Variants in KIF1A observed in about 807,000 individuals in gnomAD.
KIF1A encodes kinesin family member 1A, also known as kinesin-like protein KIF1A.
A neutral mutation model predicts 227.3 loss-of-function variants in KIF1A; 46 were observed. The observed-to-expected ratio is 0.20, with a 90% CI of 0.16 to 0.26. The LOEUF (loss-of-function observed/expected upper bound fraction) is 0.26, where lower values mean the gene tolerates loss of function less well. Among genes scored for constraint, KIF1A ranks in the 10% least tolerant of loss-of-function variants. The pLI is 1.00. For missense variants in KIF1A, 1,683 were observed against 2,485.9 expected (o/e 0.68, Z 6.87); for synonymous variants, 1,022 against 1,012.8 (o/e 1.01, Z -0.17).
At chr2:240,756,097 G>A (rs937206780) in intron 27 of KIF1A, among the ~76,000 whole-genome samples, 1 of 152,164 alleles carries the variant, frequency 6.6e-6, no homozygotes, top group African/African-American at 2.4e-5. Flanking sequence ...TCTTCCAAGA[G>A]GGAGGGTGAG....
At position 240,786,407 on chromosome 2, in the gene KIF1A, T is replaced by G. The variant is rs879253948; in HGVS notation, c.536A>C (p.Glu179Ala). 6.2e-7 allele frequency: 1 copy of G among 1,613,582 alleles called. No individual in the cohort carries two copies. The highest frequency in any genetic ancestry group is 1.7e-5 in the Admixed American group (1 of 60,002). The change falls in exon 6 of 49, where the codon GAG becomes GCG. Residue 179 changes from glutamate to alanine, a missense_variant. Glu to Ala is a moderately radical substitution (Grantham distance 107). This residue lies in a region of KIF1A where 75 missense variants were observed against 131.2 expected (regional missense o/e 0.57). Coordinates refer to ENST00000498729, the MANE Select transcript of KIF1A (RefSeq NM_001244008.2). The part of the protein sequence containing the change: ...REHPLLGPYV[E>A]DLSKLAVTSY... ...GGTGACAGCCAGCTTGGAGAGGTCC[T>G]CCACGTAGGGCCCCAGCAGTGGGTG...
intron 1 of KIF1A, among the ~76,000 whole-genome samples, chr2:240,818,077 C>T (rs996270915): frequency 6.6e-6 from 1 of 152,286 alleles, no homozygotes; most frequent in East Asian, 1.9e-4. Flanking sequence ...GGGCAGCACC[C>T]GGCTGGGAGC....
At position 240,788,289 on chromosome 2, in the gene KIF1A, A is replaced by G; in HGVS notation, c.184-59T>C. The G allele has an allele frequency of 2.6e-6, 4 of 1,543,994 alleles. No homozygotes were observed. The South Asian group carries it at 3.4e-5, about 13-fold the overall frequency. ...GCTGGGTGCATCCGAGGCTCAGCCC[A>G]TCATGTCTGCGGAGCCAGGGGATGC... On this transcript the variant is annotated intron_variant, in intron 3 of 48. Coordinates refer to ENST00000498729, the MANE Select transcript of KIF1A (RefSeq NM_001244008.2). The surrounding 1 kb of genome is among the most constrained non-coding windows in gnomAD (Gnocchi z 6.6).
Position 240,789,108 on chromosome 2 carries a change from G to T in KIF1A, c.183+128C>A, listed in dbSNP as rs566150848. ...AGGACCGCTCAGGGTGACCTTCCAG[G>T]GGAGCAGGGTGGGGTCCTCGCCCCA... On this transcript the variant is annotated intron_variant, in intron 3 of 48. Coordinates refer to ENST00000498729, the MANE Select transcript of KIF1A (RefSeq NM_001244008.2). This position sits in a 1 kb window ranked among gnomAD's most constrained non-coding sequence, Gnocchi z 4.8. 11 of 728,308 alleles carry T rather than the reference G, an allele frequency of 1.5e-5. No individual in the cohort carries two copies. Among genetic ancestry groups the T allele is most frequent in the Non-Finnish European group, 2.6e-5 (11 of 422,544 alleles). 45.1% of individuals were successfully genotyped at this position (728,308 alleles called of 1,614,324 possible). A position where few individuals can be genotyped will look rare whatever the true frequency, so the allele number is the denominator to read the frequency against.
At chr2:240,723,161 T>C (rs539743437) in intron 42 of KIF1A, among the ~76,000 whole-genome samples, 3 of 152,348 alleles carry the variant, frequency 2.0e-5, no homozygotes, top group South Asian at 4.1e-4. Context: ...TCTGTCTATA[T>C]GCCCGATAGT....
At chr2:240,795,438 CAG>C (rs1445235893) in intron 2 of KIF1A, among the ~76,000 whole-genome samples, 2 of 152,184 alleles carry the variant, frequency 1.3e-5, no homozygotes, top group African/African-American at 4.8e-5. Flanking sequence ...TTCTCCAGGC[CAG>C]AGGAGAGGGT....
Position 240,736,119 on chromosome 2 carries a change from T to C in KIF1A, c.4007+944A>G, listed in dbSNP as rs2047290543. Among the ~76,000 whole-genome samples the C allele has an allele frequency of 2.0e-5, 3 of 151,950 alleles. 1 individual carries two copies. In the South Asian group the frequency reaches 6.2e-4, roughly 32 times the overall value. On this transcript the variant is annotated intron_variant, in intron 38 of 48. Transcript: ENST00000498729. This position sits in a 1 kb window ranked among gnomAD's most constrained non-coding sequence, Gnocchi z 4.7. ...TGTTGCTGATGAAACCAAAGCTTTG[T>C]GTGGACCCAAGTCAGAAGAATAGGA... is the stretch of plus-strand genomic sequence containing the variant.
Position 240,724,902 on chromosome 2 carries a change from C to T in KIF1A, c.4256+369G>A, listed in dbSNP as rs561215884. On this transcript the variant is annotated intron_variant, in intron 40 of 48. Coordinates refer to ENST00000498729, the MANE Select transcript of KIF1A (RefSeq NM_001244008.2). ...GGCAGTCAGTCCCATGGCACAGGTT[C>T]CGTGGTCCTCAGGGAAGAAGGTCAC... 2.4e-4 allele frequency: 50 copies of T among 205,800 alleles called. 1 individual carries two copies. Among genetic ancestry groups the T allele is most frequent in the Middle Eastern group, 2.0e-3 (1 of 506 alleles). The allele number at this position is 205,800 out of a possible 1,614,324, so 12.7% of individuals were successfully genotyped here. A position where few individuals can be genotyped will look rare whatever the true frequency, so the allele number is the denominator to read the frequency against.
chr2:240,814,448 A>C (rs1265858489), intron 1 of KIF1A, among the ~76,000 whole-genome samples: 2 of 152,088 alleles, frequency 1.3e-5, no homozygotes, highest in African/African-American at 4.8e-5. Context: ...ACACTCTCAC[A>C]CACCAAAGAC....
At chr2:240,807,544 A>C (rs2057537215) in intron 1 of KIF1A, among the ~76,000 whole-genome samples, 1 of 152,262 alleles carries the variant, frequency 6.6e-6, no homozygotes, top group Non-Finnish European at 1.5e-5. Flanking sequence ...TGTCCAGGTA[A>C]TAGTGACAAG....
chr2:240,767,234 C>A (rs189610137), intron 18 of KIF1A, 32 bp downstream of exon 18: 3,039 of 1,571,812 alleles, frequency 1.9e-3, no homozygotes, highest in Non-Finnish European at 2.4e-3. Flanking sequence ...AGGGCCTGGC[C>A]AGGCTGGAGT....
chr2:240,761,210 C>T lies in KIF1A; in HGVS notation c.2265+19G>A, dbSNP rs748907935. On this transcript the variant is annotated intron_variant, in intron 24 of 48. Transcript: ENST00000498729. The stretch of plus-strand genomic sequence containing the variant: ...ACACTCTCTCCAACAGGAAACGGTA[C>T]AGCCAGTGGGCAGCCCACCTTCTTT... 1.2e-6 allele frequency: 2 copies of T among 1,604,544 alleles called. No individual in the cohort carries two copies. The highest frequency in any genetic ancestry group is 1.7e-6 in the Non-Finnish European group (2 of 1,174,450).
intron 1 of KIF1A, among the ~76,000 whole-genome samples, chr2:240,800,917 C>T (rs1478797616): frequency 2.0e-5 from 3 of 152,200 alleles, no homozygotes; most frequent in Non-Finnish European, 4.4e-5. Flanking sequence ...AAAACTACAA[C>T]CTGCCCTCGC....
chr2:240,770,654 C>T (rs1202100364), intron 15 of KIF1A, among the ~76,000 whole-genome samples: 1 of 152,234 alleles, frequency 6.6e-6, no homozygotes, highest in African/African-American at 2.4e-5. Context: ...CTTGTCCAGG[C>T]TTGGCATGGG....
intron 10 of KIF1A, among the ~76,000 whole-genome samples, chr2:240,776,198 C>T (rs2052707758): frequency 6.6e-6 from 1 of 152,194 alleles, no homozygotes; most frequent in Non-Finnish European, 1.5e-5. Context: ...GCCCCTGGGC[C>T]ACCCAGCTGG....
At position 240,789,341 on chromosome 2, in the gene KIF1A, C is replaced by T. The variant is rs751197061; in HGVS notation, c.107-29G>A. Reference sequence around the variant, plus strand: ...TGGGAGGGAACACAGGTGGTTAGCGCTGTGCTGGGAGGGCCCCTGACTAGC... The same window carrying T: ...TGGGAGGGAACACAGGTGGTTAGCGTTGTGCTGGGAGGGCCCCTGACTAGC... On this transcript the variant is annotated intron_variant, in intron 2 of 48. Coordinates refer to ENST00000498729, the MANE Select transcript of KIF1A (RefSeq NM_001244008.2). This position sits in a 1 kb window ranked among gnomAD's most constrained non-coding sequence, Gnocchi z 4.8. The T allele has an allele frequency of 1.2e-5, 19 of 1,588,374 alleles. No individual in the cohort carries two copies. Among genetic ancestry groups the T allele is most frequent in the Non-Finnish European group, 1.4e-5 (16 of 1,156,908 alleles).
chr2:240,759,179 G>A (rs116138109), intron 25 of KIF1A, among the ~76,000 whole-genome samples: 4,331 of 152,076 alleles, frequency 0.028, 218 homozygotes, highest in African/African-American at 0.099. Flanking sequence ...TTGCATGAAT[G>A]TGTATGTGTG....
At position 240,726,726 on chromosome 2, in the gene KIF1A, G is replaced by A. The variant is rs1184994141; in HGVS notation, c.4122+100C>T. ...TTAACCCAGGGACTTGAGAACTAGA[G>A]AAGTCGTCTGGGTCATATGGGGTTG... On this transcript the variant is annotated intron_variant, in intron 39 of 48. Coordinates refer to ENST00000498729, the MANE Select transcript of KIF1A (RefSeq NM_001244008.2). This position sits in a 1 kb window ranked among gnomAD's most constrained non-coding sequence, Gnocchi z 5.2. The A allele has an allele frequency of 3.5e-6, 2 of 570,608 alleles. No homozygotes were observed. Among genetic ancestry groups the A allele is most frequent in the Non-Finnish European group, 3.1e-6 (1 of 322,554 alleles). The allele number at this position is 570,608 out of a possible 1,614,324, so 35.3% of individuals were successfully genotyped here. A position where few individuals can be genotyped will look rare whatever the true frequency, so the allele number is the denominator to read the frequency against.
At chr2:240,764,786 A>G (rs916555493) in intron 20 of KIF1A, among the ~76,000 whole-genome samples, 1 of 152,204 alleles carries the variant, frequency 6.6e-6, no homozygotes, top group East Asian at 1.9e-4. Flanking sequence ...GAGGCCCCCA[A>G]CGGTGGGGTG....
Sources: gnomAD v4.1 joint callset for allele counts (sites outside exome capture counted in the v4.1 genomes callset) on GRCh38, gnomAD v4.1.1 for gene constraint, gnomAD v4.1.1 regional missense constraint, Gnocchi (gnomAD v3.1) non-coding constraint, MANE v1.5 for transcripts, NCBI Gene and HGNC (gene_info 2026-07-23, HGNC 2026-07-21) for gene names.